The following NRXN1 variants were observed in gnomAD, a reference collection of about 807,000 sequenced individuals.
The protein encoded by NRXN1 is neurexin-1.
In NRXN1, 39 loss-of-function variants were observed where a neutral mutation model predicts 150.9. The ratio of observed to expected loss-of-function variants is 0.26; its 90% confidence interval spans 0.20 to 0.34. NRXN1 has a LOEUF of 0.34. Among genes scored for constraint, NRXN1 ranks in the 10% least tolerant of loss-of-function variants. NRXN1 has a pLI of 1.00. For synonymous variants in NRXN1, 924 were observed against 757.0 expected (o/e 1.22, Z -3.62); for missense variants, 1,815 against 1,949.9 (o/e 0.93, Z 1.30).
intron 5 of NRXN1, among the ~76,000 whole-genome samples, chr2:50,638,117 T>C (rs951837459): frequency 1.3e-5 from 2 of 151,976 alleles, no homozygotes; most frequent in Non-Finnish European, 2.9e-5. Flanking sequence ...ACAGGCGAAG[T>C]TGGGATGAAA....
chr2:50,558,638 T>G (rs552303510), intron 8 of NRXN1, among the ~76,000 whole-genome samples: 1 of 152,338 alleles, frequency 6.6e-6, no homozygotes, highest in African/African-American at 2.4e-5. Flanking sequence ...AGGTATGTCA[T>G]TTAGAATGTA....
At chr2:50,137,450 G>A (rs1330771587) in intron 18 of NRXN1, among the ~76,000 whole-genome samples, 1 of 152,054 alleles carries the variant, frequency 6.6e-6, no homozygotes, top group African/African-American at 2.4e-5. Context: ...GATTTGCACT[G>A]AAATTCCAAG....
chr2:50,084,893 G>A (rs1698566929), intron 19 of NRXN1, among the ~76,000 whole-genome samples: 1 of 152,150 alleles, frequency 6.6e-6, no homozygotes, highest in Non-Finnish European at 1.5e-5. Context: ...CAGAAGCTAA[G>A]CTTAGAATTT....
chr2:50,487,494 C>G (rs946036385), intron 15 of NRXN1, among the ~76,000 whole-genome samples: 1 of 152,162 alleles, frequency 6.6e-6, no homozygotes, highest in Non-Finnish European at 1.5e-5. Context: ...AAATAAAGAG[C>G]CACAACAGTG....
chr2:50,113,269 C>T (rs1349588370), intron 18 of NRXN1, among the ~76,000 whole-genome samples: 1 of 152,150 alleles, frequency 6.6e-6, no homozygotes, highest in Non-Finnish European at 1.5e-5. Context: ...TTTGTATATC[C>T]TTATTGCACA....
In NRXN1 at chr2:50,972,733, G is replaced by A. The variant is rs564511607; in HGVS notation, c.773-46778C>T. Among the ~76,000 whole-genome samples the A allele has an allele frequency of 7.2e-5, 11 of 152,002 alleles. No homozygotes were observed. The South Asian group carries it at 1.9e-3, about 26-fold the overall frequency. On this transcript the variant is annotated intron_variant, in intron 2 of 22. Coordinates refer to ENST00000401669, the MANE Select transcript of NRXN1 (RefSeq NM_001330078.2). ...CATTGTAGATCCCTCACATGCACAG[G>A]TCATCACAGGGTTTGCGCTCTTATG...
chr2:50,227,345 G>C (rs1021717136), intron 18 of NRXN1, among the ~76,000 whole-genome samples: 7 of 151,988 alleles, frequency 4.6e-5, no homozygotes, highest in Non-Finnish European at 8.8e-5. Context: ...AGAATACTAT[G>C]AGGGGGCTTC....
intron 5 of NRXN1, among the ~76,000 whole-genome samples, chr2:50,836,260 A>G (rs1210484518): frequency 6.6e-6 from 1 of 152,040 alleles, no homozygotes; most frequent in Non-Finnish European, 1.5e-5. Flanking sequence ...TGTTGTTTTG[A>G]TGTATGATTA....
At chr2:50,888,276 G>C (rs564433591) in intron 5 of NRXN1, among the ~76,000 whole-genome samples, 1 of 151,740 alleles carries the variant, frequency 6.6e-6, no homozygotes, top group East Asian at 1.9e-4. Flanking sequence ...GATTGGTCAA[G>C]ATCAAACAAT....
At chr2:50,218,958 A>AT (rs199850385) in intron 18 of NRXN1, among the ~76,000 whole-genome samples, 3,213 of 151,380 alleles carry the variant, frequency 0.021, 110 homozygotes, top group African/African-American at 0.07. Context: ...AATAGCCTTT[A>AT]TTTTTTTTTC....
chr2:50,911,375 C>A (rs1183230819), intron 5 of NRXN1, among the ~76,000 whole-genome samples: 1 of 140,258 alleles, frequency 7.1e-6, no homozygotes, highest in African/African-American at 2.9e-5. Flanking sequence ...TCAACCACTT[C>A]CTTTATAGTT....
intron 12 of NRXN1, among the ~76,000 whole-genome samples, chr2:50,513,887 A>G (rs1384499556): frequency 2.0e-5 from 3 of 151,870 alleles, no homozygotes; most frequent in Non-Finnish European, 2.9e-5. Context: ...CCAAGTGTAA[A>G]CTCATTGCAT....
intron 5 of NRXN1, among the ~76,000 whole-genome samples, chr2:50,828,495 T>G (rs1319318622): frequency 4.0e-5 from 5 of 126,320 alleles, no homozygotes; most frequent in South Asian, 2.6e-4. Context: ...AGGCGGAGGG[T>G]CTCCTCCCTT....
chr2:50,978,675 A>C (rs1033876090), intron 2 of NRXN1, among the ~76,000 whole-genome samples: 5 of 152,028 alleles, frequency 3.3e-5, no homozygotes, highest in African/African-American at 1.2e-4. Flanking sequence ...GAATAAAGTA[A>C]CAAATGTGGG....
At chr2:50,879,210 C>T (rs901829538) in intron 5 of NRXN1, among the ~76,000 whole-genome samples, 6 of 151,804 alleles carry the variant, frequency 4.0e-5, no homozygotes, top group Non-Finnish European at 5.9e-5. Flanking sequence ...AAATTCTGCC[C>T]GAGTTTCCAG....
intron 8 of NRXN1, among the ~76,000 whole-genome samples, chr2:50,573,216 A>G (rs1476818973): frequency 6.6e-6 from 1 of 152,090 alleles, no homozygotes; most frequent in African/African-American, 2.4e-5. Flanking sequence ...TTAAAAAAAT[A>G]GTTGGACATG....
intron 21 of NRXN1, among the ~76,000 whole-genome samples, chr2:49,991,818 C>T (rs937416079): frequency 6.6e-6 from 1 of 152,150 alleles, no homozygotes; most frequent in African/African-American, 2.4e-5. Context: ...AGTTGAAGGA[C>T]TGACATCATC....
At chr2:50,904,504 T>A (rs182551613) in intron 5 of NRXN1, among the ~76,000 whole-genome samples, 1 of 152,118 alleles carries the variant, frequency 6.6e-6, no homozygotes. Flanking sequence ...TGTGAGGGGA[T>A]GTCAGAGGTA....
Position 50,550,349 on chromosome 2 carries a change from A to T in NRXN1, c.1759+2238T>A, listed in dbSNP as rs146879383. Among the ~76,000 whole-genome samples the T allele has an allele frequency of 3.5e-3, 530 of 152,214 alleles. 3 individuals carry two copies. Among genetic ancestry groups the T allele is most frequent in the African/African-American group, 0.012 (502 of 41,536 alleles). ...TCAAGTGATCCTAAGTGTGGGGATT[A>T]CAGGTGTGAACCACTATTTTTGGCA... is the stretch of plus-strand genomic sequence containing the variant. On this transcript the variant is annotated intron_variant, in intron 9 of 22. Coordinates refer to ENST00000401669, the MANE Select transcript of NRXN1 (RefSeq NM_001330078.2).
Sources: gnomAD v4.1 joint callset for allele counts (sites outside exome capture counted in the v4.1 genomes callset) on GRCh38, gnomAD v4.1.1 for gene constraint, MANE v1.5 for transcripts, NCBI Gene and HGNC (gene_info 2026-07-23, HGNC 2026-07-21) for gene names.